The following NPAS2 variants were observed in gnomAD, a reference collection of about 807,000 sequenced individuals.
NPAS2 encodes neuronal PAS domain protein 2.
Under a neutral mutation model 107.5 loss-of-function variants are expected in NPAS2, and 23 were observed. The ratio of observed to expected loss-of-function variants is 0.21; its 90% CI spans 0.15 to 0.30. NPAS2 has a LOEUF of 0.30. NPAS2 is among the 10% of genes least tolerant of loss of function. The pLI is 1.00. For synonymous variants in NPAS2, 403 were observed against 417.5 expected (o/e 0.97, Z 0.42); for missense variants, 756 against 1,043.3 (o/e 0.72, Z 3.79).
At chr2:100,956,515 G>C (rs1675575431) in intron 7 of NPAS2, among the ~76,000 whole-genome samples, 1 of 152,218 alleles carries the variant, frequency 6.6e-6, no homozygotes, top group South Asian at 2.1e-4. Context: ...GCCTCTAGCT[G>C]TATCCATGTT....
chr2:100,873,368 A>G (rs1349578444), intron 1 of NPAS2, among the ~76,000 whole-genome samples: 1 of 145,846 alleles, frequency 6.9e-6, no homozygotes, highest in African/African-American at 2.5e-5. Context: ...ATATGTGTAT[A>G]TATATATATT....
intron 12 of NPAS2, among the ~76,000 whole-genome samples, chr2:100,972,289 C>G (rs1246964209): frequency 6.6e-6 from 1 of 152,190 alleles, no homozygotes; most frequent in Non-Finnish European, 1.5e-5. Context: ...TGCTGCCAAC[C>G]AATCTCTGAA....
chr2:100,878,266 C>T (rs1036939053), intron 1 of NPAS2: 31 of 985,276 alleles, frequency 3.1e-5, no homozygotes, highest in Non-Finnish European at 3.6e-5. Flanking sequence ...CCGAGGAGCT[C>T]GGGAGGGAGC....
At chr2:100,897,542 G>A (rs1681488659) in intron 1 of NPAS2, among the ~76,000 whole-genome samples, 1 of 152,066 alleles carries the variant, frequency 6.6e-6, no homozygotes, top group South Asian at 2.1e-4. Context: ...TGGCCTCTGG[G>A]CTGTTCCTCG....
intron 1 of NPAS2, among the ~76,000 whole-genome samples, chr2:100,890,480 G>A (rs1421391841): frequency 3.9e-5 from 6 of 152,148 alleles, no homozygotes; most frequent in Admixed American, 3.9e-4. Flanking sequence ...AAGGAGAGGT[G>A]CAGGTGCTCT....
intron 1 of NPAS2, among the ~76,000 whole-genome samples, chr2:100,826,244 C>T (rs1676370594): frequency 6.6e-6 from 1 of 152,158 alleles, no homozygotes; most frequent in African/African-American, 2.4e-5. Context: ...GAGTTCGAGA[C>T]AATCCTGGCC....
intron 1 of NPAS2, among the ~76,000 whole-genome samples, chr2:100,841,890 C>T (rs2104424287): frequency 6.6e-6 from 1 of 152,226 alleles, no homozygotes; most frequent in South Asian, 2.1e-4. Context: ...TACACAAATA[C>T]ATGTAAAGGT....
chr2:100,884,938 TTATATA>T, intron 1 of NPAS2, among the ~76,000 whole-genome samples: 1 of 147,618 alleles, frequency 6.8e-6, no homozygotes, highest in Non-Finnish European at 1.5e-5. Context: ...CTAAGATCCT[TTATATA>T]TATATATAAT....
intron 1 of NPAS2, among the ~76,000 whole-genome samples, chr2:100,903,491 A>G (rs1681926259): frequency 1.3e-5 from 2 of 152,244 alleles, no homozygotes; most frequent in South Asian, 4.1e-4. Context: ...TTGTGTACGT[A>G]GGTGACCAAA....
chr2:100,833,116 TCA>T lies in NPAS2; in HGVS notation c.-23+12705_-23+12706del, dbSNP rs529771850. Among the ~76,000 whole-genome samples, 35 of 152,280 alleles carry T rather than the reference TCA, an allele frequency of 2.3e-4. No individual in the cohort carries two copies. In the East Asian group the frequency reaches 6.0e-3, roughly 26 times the overall value. Reference sequence around the variant, plus strand: ...CAGCACCCTATGACCTGATTTTAAATCACAGTGTGTGAGTGGCCATCGTCTTA... The same window carrying T: ...CAGCACCCTATGACCTGATTTTAAATCAGTGTGTGAGTGGCCATCGTCTTA... On this transcript the variant is annotated intron_variant, in intron 1 of 20. Transcript: ENST00000335681.
At chr2:100,942,831 A>C (rs1354363042) in intron 5 of NPAS2, among the ~76,000 whole-genome samples, 1 of 152,208 alleles carries the variant, frequency 6.6e-6, no homozygotes, top group African/African-American at 2.4e-5. Flanking sequence ...TATAAATGGA[A>C]TCATTGAAAA....
intron 7 of NPAS2, among the ~76,000 whole-genome samples, chr2:100,951,591 A>C (rs1477707207): frequency 6.6e-6 from 1 of 152,222 alleles, no homozygotes; most frequent in Non-Finnish European, 1.5e-5. Context: ...GCAAAGGACA[A>C]ATATTGTATG....
intron 15 of NPAS2, among the ~76,000 whole-genome samples, chr2:100,980,211 G>A (rs576930377): frequency 9.2e-5 from 14 of 152,214 alleles, no homozygotes; most frequent in Non-Finnish European, 1.5e-4. Flanking sequence ...CCAGCCCATC[G>A]CCACTCCCTT....
chr2:100,865,237 A>G (rs1479432080), intron 1 of NPAS2, among the ~76,000 whole-genome samples: 1 of 152,204 alleles, frequency 6.6e-6, no homozygotes, highest in African/African-American at 2.4e-5. Context: ...TGAACATAAG[A>G]ACCCTGAACT....
intron 19 of NPAS2, 58 bp downstream of exon 19, chr2:100,990,930 G>T (rs1457568635): frequency 6.8e-7 from 1 of 1,475,194 alleles, no homozygotes; most frequent in African/African-American, 1.4e-5. Context: ...TTCCAGGCTG[G>T]CCAGACTCAC....
intron 15 of NPAS2, among the ~76,000 whole-genome samples, chr2:100,981,509 C>T (rs1677436332): frequency 6.6e-6 from 1 of 152,104 alleles, no homozygotes; most frequent in Admixed American, 6.5e-5. Context: ...CTAAGGCCAG[C>T]CTCCTTCCCC....
intron 1 of NPAS2, among the ~76,000 whole-genome samples, chr2:100,829,313 T>C (rs1676587567): frequency 6.6e-6 from 1 of 151,826 alleles, no homozygotes; most frequent in African/African-American, 2.4e-5. Flanking sequence ...CCACCATGCC[T>C]GGCTAATTTT....
intron 1 of NPAS2, among the ~76,000 whole-genome samples, chr2:100,839,134 G>A (rs941213149): frequency 3.3e-5 from 5 of 151,856 alleles, no homozygotes; most frequent in African/African-American, 7.3e-5. Context: ...TGTTGTTATT[G>A]TTGTTGTTGT....
At chr2:100,935,290 G>T (rs916869257) in intron 4 of NPAS2, among the ~76,000 whole-genome samples, 4 of 152,156 alleles carry the variant, frequency 2.6e-5, no homozygotes, top group Non-Finnish European at 5.9e-5. Flanking sequence ...GTTGTCCCAA[G>T]GAACACAAGA....
Sources: allele counts gnomAD v4.1 joint callset (sites outside exome capture counted in the v4.1 genomes callset), GRCh38; gene constraint gnomAD v4.1.1; transcripts MANE v1.5; gene names NCBI Gene and HGNC (gene_info 2026-07-23, HGNC 2026-07-21).